WDCP: variants seen among roughly 807,000 people sequenced by gnomAD.
WDCP encodes the protein WD repeat and coiled-coil-containing protein.
Under a neutral mutation model 41.6 loss-of-function variants are expected in WDCP, and 19 were observed. The observed-to-expected ratio is 0.46, with a 90% confidence interval of 0.32 to 0.67. The LOEUF (loss-of-function observed/expected upper bound fraction) is 0.67. Ranked by LOEUF, WDCP falls within the 30% of genes least tolerant of loss-of-function variation. WDCP has a pLI of 0.04. For synonymous variants in WDCP, 302 were observed against 320.8 expected, an observed-to-expected ratio of 0.94 and a Z score of 0.63; for missense variants, 802 against 850.7, an observed-to-expected ratio of 0.94 and a Z score of 0.71.
Position 24,039,203 on chromosome 2 carries a change from T to G in WDCP, c.292A>C (p.Ser98Arg), listed in dbSNP as rs772027729. The stretch of plus-strand genomic sequence containing the variant: ...CAAGTCTGAGACGTCAGCCATTTGC[T>G]TGACTCCATAGGGCTGGGACACAGC... The part of the protein sequence containing the change: ...WQLCPSPMES[S>R]KWLTSQTCEI... The change falls in exon 2 of 4, where the codon AGC becomes CGC. Residue 98 changes from serine (S) to arginine (R), a missense_variant. Coordinates refer to ENST00000295148, the MANE Select transcript of WDCP (RefSeq NM_025203.3). The G allele has an allele frequency of 1.2e-6, 2 of 1,614,250 alleles. No homozygotes were observed. The highest frequency in any genetic ancestry group is 2.2e-5 in the South Asian group (2 of 91,088).
At chr2:24,044,239 G>C (rs899301185) in intron 1 of WDCP, among the ~76,000 whole-genome samples, 5 of 150,766 alleles carry the variant, frequency 3.3e-5, no homozygotes, top group African/African-American at 1.2e-4. Flanking sequence ...TTGGGAATAA[G>C]AGAAAAACAA....
intron 1 of WDCP, chr2:24,045,932 T>TA (rs1378828029): frequency 6.6e-6 from 1 of 151,854 alleles, no homozygotes; most frequent in Non-Finnish European, 1.5e-5. Context: ...AAGCGTTCCA[T>TA]AAAAAAGGAA....
At chr2:24,032,060 A>G (rs923860259) in intron 3 of WDCP, among the ~76,000 whole-genome samples, 2 of 152,168 alleles carry the variant, frequency 1.3e-5, no homozygotes, top group Non-Finnish European at 2.9e-5. Context: ...AGGCCTGGGT[A>G]TATAGTAGGC....
At chr2:24,036,383 T>C (rs1395655164) in intron 2 of WDCP, among the ~76,000 whole-genome samples, 1 of 151,318 alleles carries the variant, frequency 6.6e-6, no homozygotes, top group Non-Finnish European at 1.5e-5. Context: ...GGCATGTGCT[T>C]GTAGTCTCAG....
intron 3 of WDCP, among the ~76,000 whole-genome samples, chr2:24,032,423 A>G (rs1663122714): frequency 6.6e-6 from 1 of 152,084 alleles, no homozygotes; most frequent in South Asian, 2.1e-4. Flanking sequence ...AATTGCTTGA[A>G]CCCGGGAGGC....
intron 1 of WDCP, among the ~76,000 whole-genome samples, 186 bp downstream of exon 1, chr2:24,047,128 C>G (rs1363853094): frequency 6.6e-6 from 1 of 151,976 alleles, no homozygotes; most frequent in Non-Finnish European, 1.5e-5. Flanking sequence ...TCATTTACAC[C>G]CACCCCTAGC....
At chr2:24,040,847 T>C (rs1663405700) in intron 1 of WDCP, among the ~76,000 whole-genome samples, 1 of 151,768 alleles carries the variant, frequency 6.6e-6, no homozygotes, top group Non-Finnish European at 1.5e-5. Flanking sequence ...AGAAACCCCA[T>C]CTCTACTAAA....
chr2:24,040,834 T>C (rs1354996071), intron 1 of WDCP, among the ~76,000 whole-genome samples: 1 of 151,904 alleles, frequency 6.6e-6, no homozygotes, highest in East Asian at 1.9e-4. Flanking sequence ...CTGACCAACA[T>C]GCAGAAACCC....
Position 24,032,923 on chromosome 2 carries a change from A to T in WDCP, c.1842T>A (p.Val614=). Residue 614 remains valine (V), a synonymous_variant, in exon 3 of 4, where the codon GTT becomes GTA. Coordinates refer to ENST00000295148, the MANE Select transcript of WDCP (RefSeq NM_025203.3). The part of the protein sequence containing the change: ...IYQKPYYLGP[V]VEKRAVLLCD... ...AGAGAAGCACCGCTCTTTTTTCAAC[A>T]ACAGGACCTAGATAATAAGGTTTCT... The T allele has an allele frequency of 6.2e-7, 1 of 1,609,450 alleles. No individual in the cohort carries two copies. Among genetic ancestry groups the T allele is most frequent in the South Asian group, 1.1e-5 (1 of 91,000 alleles).
At chr2:24,032,747 C>T (rs1663132166) in intron 3 of WDCP, 82 bp downstream of exon 3, 2 of 786,640 alleles carry the variant, frequency 2.5e-6, no homozygotes, top group Non-Finnish European at 4.6e-6. Flanking sequence ...TGGTATCCCT[C>T]ATTTTCATTA....
intron 1 of WDCP, among the ~76,000 whole-genome samples, chr2:24,044,278 G>A (rs769487654): frequency 5.9e-5 from 9 of 151,582 alleles, no homozygotes; most frequent in Non-Finnish European, 1.3e-4. Flanking sequence ...TTTTTTTTGG[G>A]GGGGGCGTGG....
At chr2:24,035,970 G>A (rs1191873520) in intron 2 of WDCP, among the ~76,000 whole-genome samples, 1 of 151,648 alleles carries the variant, frequency 6.6e-6, no homozygotes, top group Non-Finnish European at 1.5e-5. Context: ...TTGGGAGGCT[G>A]AGGCAGGAGA....
chr2:24,035,425 C>A (rs1663214059), intron 2 of WDCP, among the ~76,000 whole-genome samples: 1 of 151,858 alleles, frequency 6.6e-6, no homozygotes. Context: ...GGAGAACAGG[C>A]TGAAGAAACA....
rs145153172 is a variant in WDCP at position 24,040,755 on chromosome 2, G to A, written c.-18-1243C>T. Among the ~76,000 whole-genome samples the A allele has an allele frequency of 8.7e-3, 1,319 of 152,266 alleles. 6 individuals carry two copies. Among genetic ancestry groups the A allele is most frequent in the Non-Finnish European group, 0.013 (880 of 68,008 alleles). ...CTTAGGGCTGGGCGTGGTGACTCAC[G>A]CCTATAATCCCAGTACTTTGGGAGG... On this transcript the variant is annotated intron_variant, in intron 1 of 3. Coordinates refer to ENST00000295148, the MANE Select transcript of WDCP (RefSeq NM_025203.3).
At chr2:24,036,321 C>G (rs945973377) in intron 2 of WDCP, among the ~76,000 whole-genome samples, 1 of 150,664 alleles carries the variant, frequency 6.6e-6, no homozygotes, top group Non-Finnish European at 1.5e-5. Context: ...GCCTAGGCAA[C>G]ATAGCAAGAT....
At chr2:24,040,512 T>C (rs1334038375) in intron 1 of WDCP, among the ~76,000 whole-genome samples, 1 of 152,276 alleles carries the variant, frequency 6.6e-6, no homozygotes, top group East Asian at 1.9e-4. Flanking sequence ...TATCCCTCTA[T>C]TGAAATGACA....
At chr2:24,042,724 T>G (rs1231741948) in intron 1 of WDCP, among the ~76,000 whole-genome samples, 2 of 136,064 alleles carry the variant, frequency 1.5e-5, no homozygotes, top group Admixed American at 7.4e-5. Context: ...AAAAAAAAAT[T>G]TAGTATAAAA....
At chr2:24,035,986 T>C (rs1394063809) in intron 2 of WDCP, among the ~76,000 whole-genome samples, 1 of 151,320 alleles carries the variant, frequency 6.6e-6, no homozygotes, top group African/African-American at 2.4e-5. Context: ...GGAGAATTGC[T>C]AGAACCTGGG....
Position 24,031,074 on chromosome 2 carries a change from G to A in WDCP, c.2025C>T (p.Gly675=). ...TGAAGACATCTGACCTGGACAGGCT[G>A]CCATCTCTTATGATTATTTCCTGTG... The part of the protein sequence containing the change: ...TATQEIIIRD[G]SLSRSDVFRD... The change falls in exon 4 of 4, where the codon GGC becomes GGT. Residue 675 remains glycine, a synonymous_variant. Coordinates refer to ENST00000295148, the MANE Select transcript of WDCP (RefSeq NM_025203.3). The A allele has an allele frequency of 1.2e-6, 2 of 1,614,142 alleles. No homozygotes were observed. Among genetic ancestry groups the A allele is most frequent in the Non-Finnish European group, 1.7e-6 (2 of 1,179,966 alleles).
Sources: gnomAD v4.1 joint callset for allele counts (sites outside exome capture counted in the v4.1 genomes callset) on GRCh38, gnomAD v4.1.1 for gene constraint, MANE v1.5 for transcripts, NCBI Gene and HGNC (gene_info 2026-07-23, HGNC 2026-07-21) for gene names.